Variants in RBFOX3 observed in about 807,000 individuals in gnomAD.
The protein encoded by RBFOX3 is RNA binding fox-1 homolog 3, also known as RNA binding protein fox-1 homolog 3.
RBFOX3 carries 17 observed loss-of-function variants against 48.7 expected under a neutral mutation model. The observed-to-expected ratio is 0.35, with a 90% CI of 0.24 to 0.52. The LOEUF is 0.52. RBFOX3 is among the 20% of genes least tolerant of loss of function. RBFOX3 has a pLI of 0.94. For missense variants in RBFOX3, 382 were observed against 497.5 expected, an observed-to-expected ratio of 0.77 and a Z score of 2.21; for synonymous variants, 212 against 209.5, an observed-to-expected ratio of 1.01 and a Z score of -0.10.
rs953247144 is a variant in RBFOX3 at position 79,212,103 on chromosome 17, CA to C, written c.-34+23662del. Among the ~76,000 whole-genome samples the C allele has an allele frequency of 4.6e-5, 7 of 152,350 alleles. No individual in the cohort carries two copies. In the South Asian group the frequency reaches 6.2e-4, roughly 14 times the overall value. On this transcript the variant is annotated intron_variant, in intron 4 of 14. Coordinates refer to ENST00000693108, the MANE Select transcript of RBFOX3 (RefSeq NM_001350451.2). This position sits in a 1 kb window ranked among gnomAD's most constrained non-coding sequence, Gnocchi z 4.7. ...TGCATTGGGGAAATTGACCAGCGCCCAAAGACGGGCCCACCTGGGCATCTTC... is the reference window on the plus strand; with the variant it reads ...TGCATTGGGGAAATTGACCAGCGCCCAAGACGGGCCCACCTGGGCATCTTC...
intron 2 of RBFOX3, among the ~76,000 whole-genome samples, chr17:79,366,725 G>A (rs1230621094): frequency 6.6e-6 from 1 of 152,180 alleles, no homozygotes; most frequent in African/African-American, 2.4e-5. Context: ...TTGAGGAGCT[G>A]GAAGGCTTCT....
At chr17:79,488,798 C>G (rs1036962789) in intron 1 of RBFOX3, among the ~76,000 whole-genome samples, 114 of 152,316 alleles carry the variant, frequency 7.5e-4, no homozygotes, top group African/African-American at 2.7e-3. Context: ...GGGCTTTGCA[C>G]TAAATCACAG....
intron 2 of RBFOX3, among the ~76,000 whole-genome samples, chr17:79,458,384 A>G (rs1184928513): frequency 1.3e-5 from 2 of 152,132 alleles, no homozygotes; most frequent in Non-Finnish European, 2.9e-5. Context: ...GCAACCAGGA[A>G]ACCGAGATGG....
intron 1 of RBFOX3, among the ~76,000 whole-genome samples, chr17:79,605,600 G>A (rs1284132432): frequency 2.0e-5 from 3 of 152,210 alleles, no homozygotes; most frequent in Non-Finnish European, 4.4e-5. Context: ...CTGTTCTTCT[G>A]GAGTCTTGGG....
chr17:79,198,325 C>T lies in RBFOX3; in HGVS notation c.-34+37441G>A, dbSNP rs1482994434. 1.3e-5 allele frequency among the ~76,000 whole-genome samples: 2 copies of T among 152,220 alleles called. No individual in the cohort carries two copies. Among genetic ancestry groups the T allele is most frequent in the Non-Finnish European group, 2.9e-5 (2 of 68,050 alleles). ...GCGACCTTGCAGGCACAGGTGCGGA[C>T]AGGAAGGAGAGCCTGCACCTGGCGA... On this transcript the variant is annotated intron_variant, in intron 4 of 14. Coordinates refer to ENST00000693108, the MANE Select transcript of RBFOX3 (RefSeq NM_001350451.2). This position sits in a 1 kb window ranked among gnomAD's most constrained non-coding sequence, Gnocchi z 8.2.
intron 1 of RBFOX3, among the ~76,000 whole-genome samples, chr17:79,542,492 G>A (rs1271521187): frequency 2.7e-5 from 4 of 148,832 alleles, no homozygotes; most frequent in African/African-American, 5.1e-5. Context: ...GCAGTCCCAC[G>A]GGCAATTTTC....
In RBFOX3 at chr17:79,423,415, G is replaced by A. The variant is rs782207776; in HGVS notation, c.-175+59039C>T. On this transcript the variant is annotated intron_variant, in intron 2 of 14. Transcript: ENST00000693108. The surrounding 1 kb of genome is among the most constrained non-coding windows in gnomAD (Gnocchi z 4.9). ...GTGGTCCGGCGCCACCACCTCTGCCGGACGTTTGCTATCTCTCTACCTCCG... is the reference window on the plus strand; with the variant it reads ...GTGGTCCGGCGCCACCACCTCTGCCAGACGTTTGCTATCTCTCTACCTCCG... Among the ~76,000 whole-genome samples, 5 of 152,172 alleles carry A rather than the reference G, an allele frequency of 3.3e-5. No homozygotes were observed. The highest frequency in any genetic ancestry group is 2.1e-4 in the South Asian group (1 of 4,816).
intron 2 of RBFOX3, among the ~76,000 whole-genome samples, chr17:79,454,410 G>A (rs542627115): frequency 6.0e-4 from 91 of 151,896 alleles, no homozygotes; most frequent in African/African-American, 2.0e-3. Context: ...TGCCCTCTGC[G>A]GAGGCCCAGC....
rs2093404416 is a variant in RBFOX3, at chr17:79,591,142, A to C, written c.-320+19684T>G. Reference sequence around the variant, plus strand: ...CCAGGAGAAGAGCCAGGATGGGGGAATAAAGGTTTCCATGAGGGGAGATCC... The same window carrying C: ...CCAGGAGAAGAGCCAGGATGGGGGACTAAAGGTTTCCATGAGGGGAGATCC... On this transcript the variant is annotated intron_variant, in intron 1 of 14. Coordinates refer to ENST00000693108, the MANE Select transcript of RBFOX3 (RefSeq NM_001350451.2). Among the ~76,000 whole-genome samples the C allele has an allele frequency of 3.3e-5, 5 of 152,254 alleles. 1 individual carries two copies. The South Asian group carries it at 1.0e-3, about 32-fold the overall frequency.
chr17:79,430,337 C>G (rs1410653524), intron 2 of RBFOX3, among the ~76,000 whole-genome samples: 4 of 151,306 alleles, frequency 2.6e-5, no homozygotes, highest in African/African-American at 9.7e-5. Flanking sequence ...AGAAAATAGA[C>G]TCAAACATAA....
At chr17:79,228,797 C>G (rs977034317) in intron 4 of RBFOX3, among the ~76,000 whole-genome samples, 1 of 152,266 alleles carries the variant, frequency 6.6e-6, no homozygotes, top group Admixed American at 6.5e-5. Flanking sequence ...CTAACTGATG[C>G]GCTAGTCCAA....
intron 1 of RBFOX3, among the ~76,000 whole-genome samples, chr17:79,607,052 G>A (rs1306980798): frequency 2.0e-5 from 3 of 152,134 alleles, no homozygotes; most frequent in South Asian, 2.1e-4. Flanking sequence ...AAAATACCGC[G>A]CTGCTTTATG....
At chr17:79,221,298 A>T (rs7222916) in intron 4 of RBFOX3, among the ~76,000 whole-genome samples, 6,937 of 152,316 alleles carry the variant, frequency 0.046, 476 homozygotes, top group African/African-American at 0.15. Flanking sequence ...TGCTCTTTGA[A>T]TAGACAAAAG....
chr17:79,387,881 C>T (rs2060778195), intron 2 of RBFOX3, among the ~76,000 whole-genome samples: 1 of 151,906 alleles, frequency 6.6e-6, no homozygotes, highest in Non-Finnish European at 1.5e-5. Context: ...AGTGTGTGTG[C>T]ACATGTGCAA....
At chr17:79,278,244 G>A (rs1000750359) in intron 3 of RBFOX3, among the ~76,000 whole-genome samples, 3 of 152,308 alleles carry the variant, frequency 2.0e-5, no homozygotes, top group South Asian at 2.1e-4. Flanking sequence ...TCCCTGGCCC[G>A]TGGCTCCAGG....
At chr17:79,189,959 C>T (rs535163326) in intron 4 of RBFOX3, among the ~76,000 whole-genome samples, 6 of 152,352 alleles carry the variant, frequency 3.9e-5, no homozygotes, top group African/African-American at 9.6e-5. Context: ...GGGCAGGGAT[C>T]GCACCAGCCA....
chr17:79,398,015 A>G (rs59653830), intron 2 of RBFOX3, among the ~76,000 whole-genome samples: 20,804 of 152,192 alleles, frequency 0.14, 1,488 homozygotes, highest in Middle Eastern at 0.19. Flanking sequence ...GCTTTAGGGT[A>G]CAGACAGTAT....
At chr17:79,331,435 G>T (rs2080275904) in intron 2 of RBFOX3, among the ~76,000 whole-genome samples, 1 of 152,134 alleles carries the variant, frequency 6.6e-6, no homozygotes. Flanking sequence ...GTCAGGGTGG[G>T]TGTCAAGACC....
At chr17:79,180,628 G>A (rs1284841464) in intron 4 of RBFOX3, among the ~76,000 whole-genome samples, 1 of 151,998 alleles carries the variant, frequency 6.6e-6, no homozygotes, top group Non-Finnish European at 1.5e-5. Flanking sequence ...CATTCCAAAG[G>A]TGGTTTGGGA....
Sources: allele counts gnomAD v4.1 joint callset (sites outside exome capture counted in the v4.1 genomes callset), GRCh38; gene constraint gnomAD v4.1.1; non-coding constraint Gnocchi (gnomAD v3.1); transcripts MANE v1.5; gene names NCBI Gene and HGNC (gene_info 2026-07-23, HGNC 2026-07-21).